The following ROBO2 variants were observed in gnomAD, a reference collection of about 807,000 sequenced individuals.
ROBO2 encodes the protein roundabout guidance receptor 2, also known as roundabout homolog 2.
In ROBO2, 53 loss-of-function variants were observed where a neutral mutation model predicts 160.8. The ratio of observed to expected loss-of-function variants is 0.33; its 90% confidence interval spans 0.26 to 0.41. ROBO2 has a LOEUF of 0.41. Among genes scored for constraint, ROBO2 ranks in the 10% least tolerant of loss-of-function variants. The pLI is 1.00. For missense variants in ROBO2, 1,577 were observed against 1,722.4 expected (o/e 0.92, Z 1.49); for synonymous variants, 664 against 611.7 (o/e 1.09, Z -1.26).
chr3:77,560,389 G>A (rs562798797), intron 9 of ROBO2, among the ~76,000 whole-genome samples: 2 of 152,192 alleles, frequency 1.3e-5, no homozygotes, highest in East Asian at 1.9e-4. Context: ...AAAATTAAAG[G>A]AATAAAATGT....
intron 2 of ROBO2, among the ~76,000 whole-genome samples, chr3:76,998,054 C>A (rs1189936441): frequency 1.3e-5 from 2 of 152,076 alleles, no homozygotes; most frequent in African/African-American, 4.8e-5. Flanking sequence ...ATTCTATTGG[C>A]CAAAGCAAGC....
At chr3:76,058,804 C>G (rs1406755041) in intron 2 of ROBO2, among the ~76,000 whole-genome samples, 10 of 97,286 alleles carry the variant, frequency 1.0e-4, no homozygotes, top group Admixed American at 4.8e-4. Flanking sequence ...CCCCCCTCCC[C>G]CCACCCCACA....
intron 2 of ROBO2, among the ~76,000 whole-genome samples, chr3:76,347,885 T>C (rs1326228264): frequency 6.6e-6 from 1 of 152,130 alleles, no homozygotes; most frequent in Non-Finnish European, 1.5e-5. Context: ...TAAAATAGTA[T>C]TTATTATATT....
chr3:77,409,413 T>C lies in ROBO2; in HGVS notation c.389-68001T>C, dbSNP rs923647350. ...CAAACTCTAGGTAGCATTGTTTGGGTTATTTAGTGAATTTAATGTTGATTC... is the reference window on the plus strand; with the variant it reads ...CAAACTCTAGGTAGCATTGTTTGGGCTATTTAGTGAATTTAATGTTGATTC... On this transcript the variant is annotated intron_variant, in intron 2 of 25. Coordinates refer to ENST00000461745, the Ensembl canonical transcript of ROBO2. Among the ~76,000 whole-genome samples the C allele has an allele frequency of 8.5e-5, 13 of 152,236 alleles. No individual in the cohort carries two copies. In the South Asian group the frequency reaches 2.1e-3, roughly 24 times the overall value.
intron 2 of ROBO2, among the ~76,000 whole-genome samples, chr3:76,895,365 T>C (rs989030077): frequency 6.6e-6 from 1 of 152,090 alleles, no homozygotes; most frequent in Non-Finnish European, 1.5e-5. Context: ...TAAATAAAAT[T>C]TGTGATAGTT....
At chr3:76,791,816 TCA>T (rs140752578) in intron 2 of ROBO2, among the ~76,000 whole-genome samples, 16 of 151,108 alleles carry the variant, frequency 1.1e-4, no homozygotes, top group African/African-American at 3.9e-4. Flanking sequence ...GGTTGAATAG[TCA>T]CACACACACA....
chr3:77,479,451 G>C (rs189639709), intron 3 of ROBO2, among the ~76,000 whole-genome samples: 2 of 152,216 alleles, frequency 1.3e-5, no homozygotes, highest in South Asian at 2.1e-4. Flanking sequence ...AAGTGGAGGG[G>C]AGAAACAAAG....
At chr3:77,389,901 A>G (rs371868743) in intron 2 of ROBO2, among the ~76,000 whole-genome samples, 1 of 152,150 alleles carries the variant, frequency 6.6e-6, no homozygotes, top group East Asian at 1.9e-4. Context: ...GTTCTCCTCC[A>G]CTGTGTGGAA....
At chr3:77,012,770 G>A (rs531955988) in intron 2 of ROBO2, among the ~76,000 whole-genome samples, 1 of 152,278 alleles carries the variant, frequency 6.6e-6, no homozygotes, top group East Asian at 1.9e-4. Flanking sequence ...TCAAATGTCT[G>A]GGATTTAGCC....
exon 13 of ROBO2, chr3:77,568,365 A>G (rs1196266719): frequency 6.2e-7 from 1 of 1,613,012 alleles, no homozygotes; most frequent in Non-Finnish European, 8.5e-7. Flanking sequence ...AGAAAGAGCT[A>G]GGAGATGTCC....
chr3:76,956,264 T>G (rs1351405998), intron 2 of ROBO2, among the ~76,000 whole-genome samples: 1 of 152,102 alleles, frequency 6.6e-6, no homozygotes, highest in Non-Finnish European at 1.5e-5. Flanking sequence ...AATATGTTAG[T>G]AAGCTAATCT....
At chr3:77,151,894 A>G (rs1265006651) in intron 2 of ROBO2, among the ~76,000 whole-genome samples, 1 of 152,184 alleles carries the variant, frequency 6.6e-6, no homozygotes, top group African/African-American at 2.4e-5. Flanking sequence ...GTTTTCTTGG[A>G]ATCGCTCCCA....
chr3:75,963,934 T>C (rs1949014602), intron 2 of ROBO2, among the ~76,000 whole-genome samples: 1 of 151,784 alleles, frequency 6.6e-6, no homozygotes, highest in Non-Finnish European at 1.5e-5. Context: ...AGGGCCTCAT[T>C]TTAACTGAAT....
intron 2 of ROBO2, among the ~76,000 whole-genome samples, chr3:77,249,799 C>A (rs903363856): frequency 4.0e-5 from 6 of 151,520 alleles, no homozygotes; most frequent in Non-Finnish European, 5.9e-5. Flanking sequence ...TTGAATATAG[C>A]TACTATATTT....
intron 2 of ROBO2, among the ~76,000 whole-genome samples, chr3:76,957,578 G>C (rs6787509): frequency 1.3e-5 from 2 of 151,972 alleles, no homozygotes; most frequent in African/African-American, 4.8e-5. Flanking sequence ...CACGCCTGTA[G>C]TCCCAGCGCT....
exon 1 of ROBO2, chr3:77,040,560 A>G: frequency 7.1e-7 from 1 of 1,412,482 alleles, no homozygotes; most frequent in Non-Finnish European, 9.2e-7. Flanking sequence ...CTGGAAATAC[A>G]GCAGCCTTTG....
intron 2 of ROBO2, among the ~76,000 whole-genome samples, chr3:77,386,712 C>T (rs1346402069): frequency 1.4e-5 from 2 of 146,076 alleles, no homozygotes; most frequent in South Asian, 2.2e-4. Flanking sequence ...AAGTGATTCT[C>T]GTGCCTCGGC....
chr3:77,581,636 T>A (rs2093921757), intron 16 of ROBO2, among the ~76,000 whole-genome samples: 1 of 152,172 alleles, frequency 6.6e-6, no homozygotes, highest in Non-Finnish European at 1.5e-5. Context: ...CAGAATAATT[T>A]TTCTTTGTGT....
At chr3:77,384,118 T>C (rs923954822) in intron 2 of ROBO2, among the ~76,000 whole-genome samples, 6 of 152,198 alleles carry the variant, frequency 3.9e-5, no homozygotes, top group Non-Finnish European at 8.8e-5. Context: ...TCATATATAC[T>C]CTTTAAACAT....
Sources: gnomAD v4.1 joint callset for allele counts (sites outside exome capture counted in the v4.1 genomes callset) on GRCh38, gnomAD v4.1.1 for gene constraint, MANE v1.5 for transcripts, NCBI Gene and HGNC (gene_info 2026-07-23, HGNC 2026-07-21) for gene names.